GPC6: variants seen among roughly 807,000 people sequenced by gnomAD.
GPC6 encodes the protein glypican-6.
Under a neutral mutation model 55.2 loss-of-function variants are expected in GPC6, and 14 were observed. The observed-to-expected ratio is 0.25, with a 90% CI of 0.17 to 0.40. The LOEUF is 0.40. GPC6 is among the 10% of genes least tolerant of loss of function. The pLI, the probability that GPC6 is intolerant of heterozygous loss-of-function variation, is 1.00. For synonymous variants in GPC6, 278 were observed against 259.6 expected (o/e 1.07, Z -0.68); for missense variants, 641 against 708.5 (o/e 0.90, Z 1.08).
chr13:93,530,495 G>C (rs980499941), intron 1 of GPC6, among the ~76,000 whole-genome samples: 1 of 152,016 alleles, frequency 6.6e-6, no homozygotes, highest in Non-Finnish European at 1.5e-5. Context: ...CTTGGTCTAG[G>C]GGCTTTTCTA....
intron 1 of GPC6, among the ~76,000 whole-genome samples, chr13:93,256,655 A>G (rs1876963092): frequency 6.6e-6 from 1 of 152,146 alleles, no homozygotes; most frequent in Non-Finnish European, 1.5e-5. Flanking sequence ...CTCTATGTAG[A>G]TGTTGACTAA....
chr13:93,227,427 G>A lies in GPC6; in HGVS notation c.-30G>A, dbSNP rs1399057028. ...AGGTGAAGAGCGCACCGGCCGTGGGGTTTACCGAGCTGGATTTGTATGTTG... is the reference window on the plus strand; with the variant it reads ...AGGTGAAGAGCGCACCGGCCGTGGGATTTACCGAGCTGGATTTGTATGTTG... On this transcript the variant is annotated 5_prime_UTR_variant, in exon 1 of 9. Transcript: ENST00000377047. This position sits in a 1 kb window ranked among gnomAD's most constrained non-coding sequence, Gnocchi z 4.3. 6.2e-7 allele frequency: 1 copy of A among 1,612,050 alleles called. No individual in the cohort carries two copies. The highest frequency in any genetic ancestry group is 1.7e-5 in the Admixed American group (1 of 59,938).
chr13:93,753,200 T>C (rs1391297704), intron 2 of GPC6, among the ~76,000 whole-genome samples: 3 of 152,194 alleles, frequency 2.0e-5, no homozygotes, highest in Non-Finnish European at 2.9e-5. Context: ...TCTCGTTACT[T>C]AGTGTTGGCG....
chr13:93,789,011 T>A (rs984287155), intron 2 of GPC6, among the ~76,000 whole-genome samples: 20 of 152,188 alleles, frequency 1.3e-4, no homozygotes, highest in African/African-American at 4.8e-4. Context: ...ATTCAGGTTT[T>A]ATTTTGGAGG....
At chr13:93,668,316 T>C (rs1347385862) in intron 2 of GPC6, among the ~76,000 whole-genome samples, 3 of 152,234 alleles carry the variant, frequency 2.0e-5, no homozygotes, top group Admixed American at 2.0e-4. Flanking sequence ...GTGTAAAAAG[T>C]TGCCACTTAA....
intron 2 of GPC6, among the ~76,000 whole-genome samples, chr13:93,765,951 ATG>A (rs1194496070): frequency 6.6e-6 from 1 of 152,152 alleles, no homozygotes; most frequent in African/African-American, 2.4e-5. Flanking sequence ...CTTGCCTCCT[ATG>A]TTAGTACATT....
At chr13:93,501,766 T>C (rs1880528811) in intron 1 of GPC6, among the ~76,000 whole-genome samples, 1 of 152,158 alleles carries the variant, frequency 6.6e-6, no homozygotes, top group Non-Finnish European at 1.5e-5. Flanking sequence ...CAATTCGGCT[T>C]GTGGACCACC....
At chr13:93,810,949 T>C (rs1344986277) in intron 2 of GPC6, among the ~76,000 whole-genome samples, 1 of 152,242 alleles carries the variant, frequency 6.6e-6, no homozygotes, top group African/African-American at 2.4e-5. Flanking sequence ...TGCATGGTCG[T>C]ATTCAAACCA....
At chr13:93,598,825 A>G (rs1326273926) in intron 2 of GPC6, among the ~76,000 whole-genome samples, 6 of 152,192 alleles carry the variant, frequency 3.9e-5, no homozygotes, top group Admixed American at 3.9e-4. Context: ...GATGAAATTA[A>G]TCTGATATTT....
intron 4 of GPC6, among the ~76,000 whole-genome samples, chr13:94,265,719 G>T (rs1384314169): frequency 6.6e-6 from 1 of 152,172 alleles, no homozygotes; most frequent in Non-Finnish European, 1.5e-5. Flanking sequence ...TGAGGAGCAG[G>T]AAGTGATTAA....
chr13:94,232,312 G>A (rs1206869917), intron 4 of GPC6, among the ~76,000 whole-genome samples: 1 of 152,164 alleles, frequency 6.6e-6, no homozygotes, highest in African/African-American at 2.4e-5. Flanking sequence ...GAAACGAGCA[G>A]GAGAGACATG....
intron 2 of GPC6, among the ~76,000 whole-genome samples, chr13:93,747,340 G>A (rs1236098364): frequency 8.5e-5 from 13 of 152,088 alleles, no homozygotes. Flanking sequence ...CTTGTTATAG[G>A]GAAATAAATA....
chr13:94,243,943 G>C (rs1891126376), intron 4 of GPC6, among the ~76,000 whole-genome samples: 1 of 152,052 alleles, frequency 6.6e-6, no homozygotes, highest in African/African-American at 2.4e-5. Flanking sequence ...TTGCAGAGAG[G>C]TAAAGCTGCC....
intron 1 of GPC6, among the ~76,000 whole-genome samples, chr13:93,454,142 A>G (rs191926321): frequency 1.3e-5 from 2 of 150,882 alleles, no homozygotes; most frequent in Admixed American, 1.3e-4. Flanking sequence ...GCATTCACAA[A>G]CCCTGAGCTA....
At chr13:94,337,675 C>T (rs971940709) in intron 6 of GPC6, among the ~76,000 whole-genome samples, 2 of 152,032 alleles carry the variant, frequency 1.3e-5, no homozygotes, top group Admixed American at 1.3e-4. Context: ...CTTGATCTCC[C>T]GACCTCAAGT....
chr13:93,238,104 C>T (rs190910669), intron 1 of GPC6, among the ~76,000 whole-genome samples: 22 of 152,036 alleles, frequency 1.4e-4, no homozygotes, highest in African/African-American at 4.8e-4. Context: ...CTGTGAAAAA[C>T]GATATTGGTA....
chr13:94,397,788 G>C (rs1880956558), intron 7 of GPC6, among the ~76,000 whole-genome samples: 1 of 152,146 alleles, frequency 6.6e-6, no homozygotes, highest in Non-Finnish European at 1.5e-5. Flanking sequence ...GGAGGAAAGA[G>C]TCATTAATGT....
chr13:94,323,430 AAT>A (rs1055544458), intron 6 of GPC6, among the ~76,000 whole-genome samples: 4 of 152,214 alleles, frequency 2.6e-5, no homozygotes, highest in East Asian at 1.9e-4. Flanking sequence ...CAGTGATAAT[AAT>A]AGCAATAACA....
intron 4 of GPC6, among the ~76,000 whole-genome samples, chr13:94,074,556 T>C (rs1884842492): frequency 6.6e-6 from 1 of 152,226 alleles, no homozygotes; most frequent in Admixed American, 6.5e-5. Flanking sequence ...CAAATATGTT[T>C]TGTGTACCCA....
Sources: gnomAD v4.1 joint callset for allele counts (sites outside exome capture counted in the v4.1 genomes callset) on GRCh38, gnomAD v4.1.1 for gene constraint, Gnocchi (gnomAD v3.1) non-coding constraint, MANE v1.5 for transcripts, NCBI Gene and HGNC (gene_info 2026-07-23, HGNC 2026-07-21) for gene names.